Variants in CR1 observed in about 807,000 individuals in gnomAD.
The protein encoded by CR1 is complement receptor type 1.
A neutral mutation model predicts 187.3 loss-of-function variants in CR1; 116 were observed. The observed-to-expected ratio is 0.62, with a 90% CI of 0.53 to 0.72. The LOEUF (loss-of-function observed/expected upper bound fraction) is 0.72. CR1 is among the 30% of genes least tolerant of loss of function. The probability of loss-of-function intolerance (pLI) is 0.00; values close to 1 mark genes in which losing one functional copy is unlikely to be tolerated. For missense variants in CR1, 1,731 were observed against 2,110.7 expected, an observed-to-expected ratio of 0.82 and a Z score of 3.52; for synonymous variants, 576 against 747.1, an observed-to-expected ratio of 0.77 and a Z score of 3.73.
intron 3 of CR1, among the ~76,000 whole-genome samples, chr1:207,509,634 GA>G (rs1341576722): frequency 1.3e-5 from 2 of 151,740 alleles, no homozygotes; most frequent in East Asian, 1.9e-4. Flanking sequence ...TAGTATGGAG[GA>G]AAAAAAATGC....
chr1:207,617,818 G>A (rs911313655), intron 41 of CR1, among the ~76,000 whole-genome samples: 15 of 151,250 alleles, frequency 9.9e-5, no homozygotes, highest in African/African-American at 3.4e-4. Flanking sequence ...GTAGCTTGTC[G>A]ATCCCTGTGG....
In CR1 at chr1:207,523,869, T is replaced by C. The variant is rs1274393352; in HGVS notation, c.746T>C (p.Val249Ala). The C allele has an allele frequency of 2.5e-6, 4 of 1,610,200 alleles. No homozygotes were observed. The highest frequency in any genetic ancestry group is 3.3e-5 in the Admixed American group (2 of 59,832). Residue 249 changes from valine to alanine, a missense_variant, in exon 5 of 47, where the codon GTA becomes GCA. Physicochemically the swap from Val to Ala is moderately conservative, Grantham distance 64 (BLOSUM62 0). Around this residue, in one of 5 missense-constraint regions of CR1, gnomAD observed 131 missense variants for 196.8 expected, o/e 0.67. Coordinates refer to ENST00000367049, the MANE Select transcript of CR1 (RefSeq NM_000651.6). ...TPPNVENGIL[V>A]SDNRSLFSLN... is the part of the protein sequence containing the mutation. ...CCAAATGTGGAAAATGGAATATTGGTATCTGACAACAGAAGCTTATTTTCC... is the reference window on the plus strand; with the variant it reads ...CCAAATGTGGAAAATGGAATATTGGCATCTGACAACAGAAGCTTATTTTCC...
At chr1:207,622,697 A>G (rs1054546953) in intron 44 of CR1, among the ~76,000 whole-genome samples, 1 of 152,232 alleles carries the variant, frequency 6.6e-6, no homozygotes, top group Non-Finnish European at 1.5e-5. Context: ...GGCAAGAGAC[A>G]TGGGCAGGGC....
At position 207,578,069 on chromosome 1, in the gene CR1, A is replaced by G. The variant is rs1302737744; in HGVS notation, c.4802A>G (p.Asp1601Gly). ...PNVENGILVSDNRSLFSLNEV... is the reference protein window; with the variant it reads ...PNVENGILVSGNRSLFSLNEV... The stretch of plus-strand genomic sequence containing the variant: ...GTGGAAAATGGAATATTGGTATCTG[A>G]CAACAGAAGCTTATTTTCCTTAAAT... The change falls in exon 29 of 47, where the codon GAC becomes GGC. Residue 1601 changes from aspartate to glycine, a missense_variant. Transcript: ENST00000367049. 19 of 1,611,562 alleles carry G rather than the reference A, an allele frequency of 1.2e-5. No individual in the cohort carries two copies. Among genetic ancestry groups the G allele is most frequent in the Non-Finnish European group, 1.6e-5 (19 of 1,179,610 alleles).
At position 207,575,202 on chromosome 1, in the gene CR1, T is replaced by C. The variant is rs967445808; in HGVS notation, c.4452-393T>C. ...TCTCAAGTAAAATGACATAGTATTA[T>C]ACACACACACACACACACACACACA... On this transcript the variant is annotated intron_variant, in intron 27 of 46. Coordinates refer to ENST00000367049, the MANE Select transcript of CR1 (RefSeq NM_000651.6). Among the ~76,000 whole-genome samples the C allele has an allele frequency of 1.1e-4, 17 of 149,446 alleles. No homozygotes were observed. The South Asian group carries it at 1.7e-3, about 15-fold the overall frequency.
chr1:207,612,680 G>A (rs960746509), intron 39 of CR1, among the ~76,000 whole-genome samples: 3 of 152,220 alleles, frequency 2.0e-5, no homozygotes, highest in African/African-American at 7.2e-5. Context: ...TGCTCTGACT[G>A]GGACCCTGGG....
At chr1:207,513,092 T>A (rs1000858356) in intron 4 of CR1, among the ~76,000 whole-genome samples, 1 of 152,244 alleles carries the variant, frequency 6.6e-6, no homozygotes, top group African/African-American at 2.4e-5. Flanking sequence ...GTCAGACTTC[T>A]ATTCACTTGA....
chr1:207,525,389 G>A (rs1016840872), intron 5 of CR1, among the ~76,000 whole-genome samples: 1 of 151,962 alleles, frequency 6.6e-6, no homozygotes, highest in Non-Finnish European at 1.5e-5. Flanking sequence ...CTGGAGTGAT[G>A]GTGAAATGGC....
intron 46 of CR1, among the ~76,000 whole-genome samples, chr1:207,634,703 C>T (rs922302425): frequency 9.9e-5 from 15 of 152,122 alleles, no homozygotes; most frequent in African/African-American, 3.4e-4. Flanking sequence ...CGCTTCAGCA[C>T]GGCTGGGGAA....
In CR1 at chr1:207,578,060, T is replaced by C. The variant is rs763794161; in HGVS notation, c.4793T>C (p.Leu1598Ser). ...CCTCCAAATGTGGAAAATGGAATAT[T>C]GGTATCTGACAACAGAAGCTTATTT... The part of the protein sequence containing the change: ...CTPPNVENGI[L>S]VSDNRSLFSL... The change falls in exon 29 of 47, where the codon TTG becomes TCG. Residue 1598 changes from leucine to serine, a missense_variant. By Grantham distance (145) the Leu-to-Ser change is moderately radical. Transcript: ENST00000367049. 27 of 1,611,540 alleles carry C rather than the reference T, an allele frequency of 1.7e-5. No homozygotes were observed. The highest frequency in any genetic ancestry group is 2.2e-4 in the Middle Eastern group (1 of 4,452).
intron 3 of CR1, among the ~76,000 whole-genome samples, chr1:207,508,720 GT>G (rs76451319): frequency 1.5e-3 from 209 of 143,366 alleles, no homozygotes; most frequent in East Asian, 7.5e-3. Flanking sequence ...AAAGTAAAAA[GT>G]TTTTTTTTTT....
chr1:207,607,112 A>G (rs1420335943), intron 35 of CR1, 139 bp from the exon 36 acceptor site: 1 of 575,092 alleles, frequency 1.7e-6, no homozygotes, highest in African/African-American at 1.8e-5. Flanking sequence ...GCAGATGGAG[A>G]TGGGGTTTCT....
intron 24 of CR1, among the ~76,000 whole-genome samples, chr1:207,566,909 A>C (rs1210893499): frequency 2.7e-5 from 4 of 150,284 alleles, no homozygotes; most frequent in African/African-American, 1.0e-4. Flanking sequence ...TGATTTTTAG[A>C]GTAAAATTTT....
intron 4 of CR1, among the ~76,000 whole-genome samples, chr1:207,520,217 T>C (rs1344383740): frequency 6.6e-6 from 1 of 152,202 alleles, no homozygotes; most frequent in African/African-American, 2.4e-5. Context: ...CTCCCAATTT[T>C]GCAACGTGGT....
chr1:207,607,894 T>G (rs942302460), intron 36 of CR1, among the ~76,000 whole-genome samples: 1 of 152,122 alleles, frequency 6.6e-6, no homozygotes, highest in African/African-American at 2.4e-5. Flanking sequence ...TTTAAAACCA[T>G]GGAAGAATGA....
intron 4 of CR1, 130 bp from the exon 5 acceptor site, chr1:207,523,481 G>A (rs1201093237): frequency 5.5e-6 from 8 of 1,452,884 alleles, no homozygotes; most frequent in Non-Finnish European, 7.4e-6. Flanking sequence ...TTATAAAAAT[G>A]TACCTATGTG....
At chr1:207,554,433 AT>A in intron 19 of CR1, among the ~76,000 whole-genome samples, 1 of 59,236 alleles carries the variant, frequency 1.7e-5, no homozygotes, top group South Asian at 8.0e-4. Context: ...TTTACTGAAT[AT>A]TTTAAGCCCA....
In CR1 at chr1:207,584,802, G is replaced by A. The variant is rs758774471; in HGVS notation, c.5456G>A (p.Arg1819His). The A allele has an allele frequency of 6.8e-5, 110 of 1,613,854 alleles. No homozygotes were observed. Among genetic ancestry groups the A allele is most frequent in the East Asian group, 1.1e-4 (5 of 44,870 alleles). The change falls in exon 33 of 47, where the codon CGC becomes CAC. Residue 1819 changes from arginine to histidine, a missense_variant. Arg to His is a conservative substitution (Grantham distance 29). Coordinates refer to ENST00000367049, the MANE Select transcript of CR1 (RefSeq NM_000651.6). ...AACCTCATTGGGGAGAGCACCATCC[G>A]CTGCACAAGTGACCCTCATGGGAAT... ...TFNLIGESTI[R>H]CTSDPHGNGV...
chr1:207,595,496 G>A (rs1040262510), intron 35 of CR1, among the ~76,000 whole-genome samples: 12 of 152,046 alleles, frequency 7.9e-5, no homozygotes, highest in Non-Finnish European at 1.6e-4. Flanking sequence ...TAACAAAAAA[G>A]AAGAAATTCA....
Sources: gnomAD v4.1 joint callset for allele counts (sites outside exome capture counted in the v4.1 genomes callset) on GRCh38, gnomAD v4.1.1 for gene constraint, gnomAD v4.1.1 regional missense constraint, MANE v1.5 for transcripts, NCBI Gene and HGNC (gene_info 2026-07-23, HGNC 2026-07-21) for gene names.